ZNF513: variants seen among roughly 807,000 people sequenced by gnomAD.
ZNF513 encodes the protein zinc finger protein 513.
ZNF513 carries 16 observed loss-of-function variants against 39.7 expected under a neutral mutation model. That is an observed-to-expected ratio of 0.40 (90% CI 0.27 to 0.61). The LOEUF (loss-of-function observed/expected upper bound fraction) is 0.61, where lower values mean the gene tolerates loss of function less well. ZNF513 is among the 20% of genes least tolerant of loss of function. The pLI is 0.39. For synonymous variants in ZNF513, 348 were observed against 296.5 expected (o/e 1.17, Z -1.79); for missense variants, 699 against 743.6 (o/e 0.94, Z 0.70).
intron 2 of ZNF513, among the ~76,000 whole-genome samples, chr2:27,379,652 A>C (rs1683532307): frequency 1.3e-5 from 2 of 152,228 alleles, no homozygotes; most frequent in Admixed American, 6.5e-5. Flanking sequence ...CACAGGGAAG[A>C]GGGACATGGA....
Position 27,380,635 on chromosome 2 carries a change from C to G in ZNF513, c.-109G>C. 1.4e-6 allele frequency: 2 copies of G among 1,429,794 alleles called. No individual in the cohort carries two copies. Among genetic ancestry groups the G allele is most frequent in the Non-Finnish European group, 1.8e-6 (2 of 1,096,516 alleles). 88.6% of individuals were successfully genotyped at this position (1,429,794 alleles called of 1,614,324 possible). On this transcript the variant is annotated 5_prime_UTR_variant, in exon 1 of 4. It removes an upstream start codon present in the reference 5' UTR. Transcript: ENST00000323703. ...CCTCTCAGGGCCCGCGGGCCGCCCC[C>G]ATGCAGCGGCGCGGGCCCTGGGCAG...
Position 27,378,183 on chromosome 2 carries a change from G to T in ZNF513, c.988C>A (p.Arg330=). ...GQELEEGEGS[R]LGAAMCGRCM... The stretch of plus-strand genomic sequence containing the variant: ...CGCCCACACATGGCAGCTCCCAGCC[G>T]ACTACCCTCACCCTCCTCCAGCTCT... The change falls in exon 4 of 4, where the codon CGG becomes AGG. Residue 330 remains arginine (R), a synonymous_variant. Transcript: ENST00000323703. This position sits in a 1 kb window ranked among gnomAD's most constrained non-coding sequence, Gnocchi z 8.0. The T allele has an allele frequency of 1.2e-6, 2 of 1,611,344 alleles. No homozygotes were observed. Among genetic ancestry groups the T allele is most frequent in the African/African-American group, 1.3e-5 (1 of 75,040 alleles).
In ZNF513 at chr2:27,378,438, C is replaced by G. The variant is rs374122800; in HGVS notation, c.799+29G>C. ...TTCCTAGGGTCAGCCACCCATGTCC[C>G]AAGATCTTTGGTCCCTGGTGTGTCT... On this transcript the variant is annotated intron_variant, in intron 3 of 3. Transcript: ENST00000323703. The surrounding 1 kb of genome is among the most constrained non-coding windows in gnomAD (Gnocchi z 8.0). 6.2e-7 allele frequency: 1 copy of G among 1,613,768 alleles called. No individual in the cohort carries two copies. Among genetic ancestry groups the G allele is most frequent in the Non-Finnish European group, 8.5e-7 (1 of 1,180,024 alleles).
rs1160460096 is a variant in ZNF513, at chr2:27,377,442, C to T, written c.*103G>A. On this transcript the variant is annotated 3_prime_UTR_variant, in exon 4 of 4. Coordinates refer to ENST00000323703, the MANE Select transcript of ZNF513 (RefSeq NM_144631.6). The surrounding 1 kb of genome is among the most constrained non-coding windows in gnomAD (Gnocchi z 4.4). ...CCCCCGCCCATGGGGTTGGGCTGGTCCTTATAGTGCCTACGTTAGTCTGTG... is the reference window on the plus strand; with the variant it reads ...CCCCCGCCCATGGGGTTGGGCTGGTTCTTATAGTGCCTACGTTAGTCTGTG... 3 of 1,334,584 alleles carry T rather than the reference C, an allele frequency of 2.2e-6. No homozygotes were observed. Among genetic ancestry groups the T allele is most frequent in the Non-Finnish European group, 3.2e-6 (3 of 946,808 alleles). The allele number at this position is 1,334,584 out of a possible 1,614,324, so 82.7% of individuals were successfully genotyped here.
chr2:27,380,366 C>T, intron 1 of ZNF513, 106 bp downstream of exon 1: 1 of 1,595,182 alleles, frequency 6.3e-7, no homozygotes, highest in Non-Finnish European at 8.5e-7. Flanking sequence ...AGCTAGGAGT[C>T]TGGATCGCCC....
In ZNF513 at chr2:27,377,887, C is replaced by T; in HGVS notation, c.1284G>A (p.Leu428=). ...TGCGACCATGACGCTTGAGGTTGGC[C>T]AGATTGCCACAGGCATAAGGGCAGA... ...CPLCPYACGN[L]ANLKRHGRIH... The change falls in exon 4 of 4, where the codon CTG becomes CTA. Residue 428 remains leucine (L), a synonymous_variant. Coordinates refer to ENST00000323703, the MANE Select transcript of ZNF513 (RefSeq NM_144631.6). This position sits in a 1 kb window ranked among gnomAD's most constrained non-coding sequence, Gnocchi z 4.4. 1.9e-6 allele frequency: 3 copies of T among 1,614,194 alleles called. No homozygotes were observed. Among genetic ancestry groups the T allele is most frequent in the Non-Finnish European group, 2.5e-6 (3 of 1,180,034 alleles).
At position 27,380,679 on chromosome 2, in the gene ZNF513, G is replaced by C; in HGVS notation, c.-153C>G. On this transcript the variant is annotated 5_prime_UTR_variant, in exon 1 of 4. Coordinates refer to ENST00000323703, the MANE Select transcript of ZNF513 (RefSeq NM_144631.6). ...TGGGCAGCCCCCGGCCCTGGCCCCG[G>C]CGCCCAGCTCAGGCCGCTCCCGCCG... is the stretch of plus-strand genomic sequence containing the variant. The C allele has an allele frequency of 8.0e-7, 1 of 1,255,400 alleles. No individual in the cohort carries two copies. The highest frequency in any genetic ancestry group is 1.0e-6 in the Non-Finnish European group (1 of 999,696). 77.8% of individuals were successfully genotyped at this position (1,255,400 alleles called of 1,614,324 possible). A position where few individuals can be genotyped will look rare whatever the true frequency, so the allele number is the denominator to read the frequency against.
Position 27,377,780 on chromosome 2 carries a change from A to C in ZNF513, c.1391T>G (p.Leu464Arg). 6.2e-7 allele frequency: 1 copy of C among 1,611,122 alleles called. No individual in the cohort carries two copies. Among genetic ancestry groups the C allele is most frequent in the Non-Finnish European group, 8.5e-7 (1 of 1,179,156 alleles). Reference protein sequence around the residue: ...NQSMNLKRHMLRHTGEKPFRC... With the variant: ...NQSMNLKRHMRRHTGEKPFRC... ...GAAGGGCTTCTCGCCTGTGTGCCGC[A>C]GCATGTGACGTTTGAGGTTCATGCT... The change falls in exon 4 of 4, where the codon CTG becomes CGG. Residue 464 changes from leucine to arginine, a missense_variant. By Grantham distance (102) the Leu-to-Arg change is moderately radical. Coordinates refer to ENST00000323703, the MANE Select transcript of ZNF513 (RefSeq NM_144631.6). The surrounding 1 kb of genome is among the most constrained non-coding windows in gnomAD (Gnocchi z 4.4).
intron 2 of ZNF513, 31 bp downstream of exon 2, chr2:27,380,062 G>A (rs1382795536): frequency 5.0e-6 from 8 of 1,613,594 alleles, no homozygotes; most frequent in African/African-American, 4.0e-5. Context: ...TCCAGCGGCC[G>A]CTAATCCTTA....
At position 27,377,732 on chromosome 2, in the gene ZNF513, G is replaced by A. The variant is rs754965989; in HGVS notation, c.1439C>T (p.Thr480Ile). Residue 480 changes from threonine to isoleucine, a missense_variant, in exon 4 of 4, where the codon ACC (threonine) becomes ATC (isoleucine). Thr to Ile is a moderately conservative substitution (Grantham distance 89). Transcript: ENST00000323703. This position sits in a 1 kb window ranked among gnomAD's most constrained non-coding sequence, Gnocchi z 4.4. Reference sequence around the variant, plus strand: ...CTTGTAGTTGTCCCAGTGGCCCGTGGTATAGGCGCAGGTGGCACAGCGGAA... The same window carrying A: ...CTTGTAGTTGTCCCAGTGGCCCGTGATATAGGCGCAGGTGGCACAGCGGAA... ...KPFRCATCAY[T>I]TGHWDNYKRH... is the part of the protein sequence containing the mutation. The A allele has an allele frequency of 6.2e-7, 1 of 1,614,250 alleles. No individual in the cohort carries two copies. Among genetic ancestry groups the A allele is most frequent in the South Asian group, 1.1e-5 (1 of 91,086 alleles).
rs755265698 is a variant in ZNF513, at chr2:27,378,291, C to T, written c.880G>A (p.Gly294Ser). 3.7e-6 allele frequency: 6 copies of T among 1,600,894 alleles called. No individual in the cohort carries two copies. In the South Asian group the frequency reaches 6.6e-5, roughly 18 times the overall value. The change falls in exon 4 of 4, where the codon GGT (glycine) becomes AGT (serine). Residue 294 changes from glycine to serine, a missense_variant. This residue lies in a region of ZNF513 where 530 missense variants were observed against 499.3 expected (regional missense o/e 1.06). Transcript: ENST00000323703. The surrounding 1 kb of genome is among the most constrained non-coding windows in gnomAD (Gnocchi z 8.0). ...SFLPDCGQLRGEGEGLCGTGS... is the reference protein window; with the variant it reads ...SFLPDCGQLRSEGEGLCGTGS... Reference sequence around the variant, plus strand: ...GTCCCGCAGAGGCCCTCCCCTTCACCCCGCAGCTGCCCACAGTCTGGCAGG... The same window carrying T: ...GTCCCGCAGAGGCCCTCCCCTTCACTCCGCAGCTGCCCACAGTCTGGCAGG...
rs1659565614 is a variant in ZNF513 at position 27,377,352 on chromosome 2, G to C, written c.*193C>G. 1.4e-6 allele frequency: 1 copy of C among 715,822 alleles called. No individual in the cohort carries two copies. The highest frequency in any genetic ancestry group is 2.5e-6 in the Non-Finnish European group (1 of 397,900). 44.3% of individuals were successfully genotyped at this position (715,822 alleles called of 1,614,324 possible). A position where few individuals can be genotyped will look rare whatever the true frequency, so the allele number is the denominator to read the frequency against. On this transcript the variant is annotated 3_prime_UTR_variant, in exon 4 of 4. Transcript: ENST00000323703. This position sits in a 1 kb window ranked among gnomAD's most constrained non-coding sequence, Gnocchi z 4.4. ...CCTGGGGGCAGTGGAGGTGAATACA[G>C]GGCCCTTCTCACTGAGCTCGTGAAG...
In ZNF513 at chr2:27,380,560, T is replaced by G. The variant is rs1262880420; in HGVS notation, c.-34A>C. The G allele has an allele frequency of 3.2e-6, 5 of 1,543,184 alleles. No homozygotes were observed. Among genetic ancestry groups the G allele is most frequent in the Non-Finnish European group, 4.4e-6 (5 of 1,139,078 alleles). On this transcript the variant is annotated 5_prime_UTR_variant, in exon 1 of 4. Transcript: ENST00000323703. ...GCTCCAGCCCGACGCGCCTCCGGCC[T>G]GCGGCCGCCCGACCCCGCCCCTCCT...
At position 27,378,894 on chromosome 2, in the gene ZNF513, C is replaced by G. The variant is rs772815498; in HGVS notation, c.372G>C (p.Gly124=). The G allele has an allele frequency of 1.2e-6, 2 of 1,604,006 alleles. No homozygotes were observed. Among genetic ancestry groups the G allele is most frequent in the Non-Finnish European group, 1.7e-6 (2 of 1,174,990 alleles). ...AACACGGCCCCTCACCTGTCGGCCC[C>G]CCACACAGCTGGCAGGCTGGGCCTG... ...ERPGPACQLC[G]GPTGEGPCCG... is the part of the protein sequence containing the mutation. Residue 124 remains glycine, a synonymous_variant, in exon 3 of 4, where the codon GGG becomes GGC. Coordinates refer to ENST00000323703, the MANE Select transcript of ZNF513 (RefSeq NM_144631.6). The surrounding 1 kb of genome is among the most constrained non-coding windows in gnomAD (Gnocchi z 8.0).
At position 27,378,090 on chromosome 2, in the gene ZNF513, C is replaced by A; in HGVS notation, c.1081G>T (p.Ala361Ser). The A allele has an allele frequency of 6.2e-7, 1 of 1,613,030 alleles. No individual in the cohort carries two copies. Among genetic ancestry groups the A allele is most frequent in the Non-Finnish European group, 8.5e-7 (1 of 1,179,358 alleles). Residue 361 changes from alanine to serine, a missense_variant, in exon 4 of 4, where the codon GCC (alanine) becomes TCC (serine). By Grantham distance (99) the Ala-to-Ser change is moderately conservative (BLOSUM62 1). Transcript: ENST00000323703. This position sits in a 1 kb window ranked among gnomAD's most constrained non-coding sequence, Gnocchi z 8.0. ...GPQGPSDKGF[A>S]CSLCPFATHY... ...GTGGCAAAGGGGCAGAGGCTACAGG[C>A]AAAGCCTTTGTCACTGGGGCCCTGG... is the stretch of plus-strand genomic sequence containing the variant.
At position 27,379,029 on chromosome 2, in the gene ZNF513, C is replaced by T. The variant is rs1178211502; in HGVS notation, c.237G>A (p.Gly79=). The part of the protein sequence containing the change: ...SEGDSLGARP[G]LPYGLSDDES... The stretch of plus-strand genomic sequence containing the variant: ...CATCGTCGCTCAGCCCATAGGGAAG[C>T]CCAGGCCTGGCCCCCAGAGAGTCTC... The change falls in exon 3 of 4, where the codon GGG becomes GGA. Residue 79 remains glycine (G), a synonymous_variant. Transcript: ENST00000323703. 6.2e-7 allele frequency: 1 copy of T among 1,612,992 alleles called. No homozygotes were observed. Among genetic ancestry groups the T allele is most frequent in the South Asian group, 1.1e-5 (1 of 91,068 alleles).
chr2:27,379,052 C>T lies in ZNF513; in HGVS notation c.214G>A (p.Asp72Asn), dbSNP rs1411601978. The T allele has an allele frequency of 6.2e-7, 1 of 1,612,604 alleles. No individual in the cohort carries two copies. Among genetic ancestry groups the T allele is most frequent in the Non-Finnish European group, 8.5e-7 (1 of 1,179,818 alleles). The change falls in exon 3 of 4, where the codon GAC (aspartate) becomes AAC (asparagine). Residue 72 changes from aspartate to asparagine, a missense_variant and splice_region_variant. Asp to Asn is a conservative substitution (Grantham distance 23). Coordinates refer to ENST00000323703, the MANE Select transcript of ZNF513 (RefSeq NM_144631.6). Reference protein sequence around the residue: ...LMGFERDSEGDSLGARPGLPY... With the variant: ...LMGFERDSEGNSLGARPGLPY... ...AGCCCAGGCCTGGCCCCCAGAGAGT[C>T]TCCTGGTGAAATAGACATAAGAAGA...
chr2:27,380,302 C>T, intron 1 of ZNF513, 54 bp from the exon 2 acceptor site: 1 of 1,613,498 alleles, frequency 6.2e-7, no homozygotes, highest in Non-Finnish European at 8.5e-7. Context: ...CCCTCGTGGA[C>T]CACACTTCCC....
rs1158564846 is a variant in ZNF513, at chr2:27,380,569, C to T, written c.-43G>A. ...CGACGCGCCTCCGGCCTGCGGCCGC[C>T]CGACCCCGCCCCTCCTATCTCGGCC... On this transcript the variant is annotated 5_prime_UTR_variant, in exon 1 of 4. Transcript: ENST00000323703. The T allele has an allele frequency of 2.6e-6, 4 of 1,538,836 alleles. No homozygotes were observed. In the African/African-American group the frequency reaches 5.5e-5, roughly 21 times the overall value.
Sources: allele counts gnomAD v4.1 joint callset (sites outside exome capture counted in the v4.1 genomes callset), GRCh38; gene constraint gnomAD v4.1.1; regional missense constraint gnomAD v4.1.1; non-coding constraint Gnocchi (gnomAD v3.1); transcripts MANE v1.5; gene names NCBI Gene and HGNC (gene_info 2026-07-23, HGNC 2026-07-21).